Variants in LRIG1 observed in about 807,000 individuals in gnomAD.
LRIG1 encodes the protein leucine rich repeats and immunoglobulin like domains 1.
LRIG1 carries 48 observed loss-of-function variants against 99.2 expected under a neutral mutation model. The ratio of observed to expected loss-of-function variants is 0.48; its 90% confidence interval spans 0.38 to 0.62. The LOEUF is 0.62. Ranked by LOEUF, LRIG1 falls within the 20% of genes least tolerant of loss-of-function variation. The pLI is 0.00. For synonymous variants in LRIG1, 772 were observed against 596.1 expected (o/e 1.29, Z -4.30); for missense variants, 1,646 against 1,434.4 (o/e 1.15, Z -2.38).
intron 3 of LRIG1, among the ~76,000 whole-genome samples, chr3:66,437,994 G>C (rs547495523): frequency 1.1e-4 from 16 of 152,324 alleles, no homozygotes; most frequent in African/African-American, 3.8e-4. Context: ...GTCCCATAGA[G>C]GATGGGAAGC....
intron 3 of LRIG1, among the ~76,000 whole-genome samples, chr3:66,425,075 G>A (rs1049416807): frequency 6.6e-6 from 1 of 152,184 alleles, no homozygotes; most frequent in Non-Finnish European, 1.5e-5. Context: ...TCTATACTTA[G>A]GCAATTGAAG....
intron 10 of LRIG1, 92 bp from the exon 11 acceptor site, chr3:66,398,275 G>A (rs1044105197): frequency 1.1e-5 from 10 of 926,648 alleles, no homozygotes; most frequent in Non-Finnish European, 1.4e-5. Flanking sequence ...TGACCCACAG[G>A]GACTAGCCAG....
At chr3:66,441,793 G>A (rs1280484349) in intron 3 of LRIG1, among the ~76,000 whole-genome samples, 1 of 152,216 alleles carries the variant, frequency 6.6e-6, no homozygotes, top group Non-Finnish European at 1.5e-5. Context: ...ACTTCCAAGT[G>A]TACAGTGAGC....
chr3:66,471,370 T>G (rs1575717445), intron 1 of LRIG1, among the ~76,000 whole-genome samples: 1 of 56,534 alleles, frequency 1.8e-5, no homozygotes. Context: ...ACCTGCACAA[T>G]AGCCCCCCTA....
chr3:66,500,460 C>G lies in LRIG1; in HGVS notation c.-53G>C. On this transcript the variant is annotated 5_prime_UTR_variant, in exon 1 of 19. Transcript: ENST00000273261. ...GGCGCGGGGACTGTGAGGACCCGAA[C>G]GGCCGCAGACGCGGGCGGGCCCGCG... 8.9e-7 allele frequency: 1 copy of G among 1,119,830 alleles called. No individual in the cohort carries two copies. The highest frequency in any genetic ancestry group is 1.2e-6 in the Non-Finnish European group (1 of 861,302). 69.4% of individuals were successfully genotyped at this position (1,119,830 alleles called of 1,614,324 possible).
chr3:66,436,632 G>A (rs1186160936), intron 3 of LRIG1, among the ~76,000 whole-genome samples: 1 of 152,074 alleles, frequency 6.6e-6, no homozygotes, highest in East Asian at 1.9e-4. Flanking sequence ...GCCTCCAAAT[G>A]AAGCCAAACT....
chr3:66,441,754 C>T (rs1402764007), intron 3 of LRIG1, among the ~76,000 whole-genome samples: 1 of 152,182 alleles, frequency 6.6e-6, no homozygotes, highest in East Asian at 1.9e-4. Flanking sequence ...CTTAAAATGA[C>T]AAGACCCTTC....
chr3:66,419,004 A>G (rs183979088), intron 3 of LRIG1, among the ~76,000 whole-genome samples: 20 of 152,334 alleles, frequency 1.3e-4, no homozygotes, highest in Admixed American at 9.1e-4. Context: ...GCTCCAAAGG[A>G]AAAAAGAAAA....
At chr3:66,428,465 C>T (rs764424510) in intron 3 of LRIG1, among the ~76,000 whole-genome samples, 4 of 151,962 alleles carry the variant, frequency 2.6e-5, no homozygotes, top group Non-Finnish European at 5.9e-5. Flanking sequence ...TAAGTGAGGG[C>T]CTAATGATCA....
In LRIG1 at chr3:66,405,124, G is replaced by A. The variant is rs1308642604; in HGVS notation, c.1160+74C>T. The A allele has an allele frequency of 1.5e-5, 20 of 1,342,560 alleles. No homozygotes were observed. The East Asian group carries it at 4.5e-4, about 30-fold the overall frequency. The allele number at this position is 1,342,560 out of a possible 1,614,324, so 83.2% of individuals were successfully genotyped here. A position where few individuals can be genotyped will look rare whatever the true frequency, so the allele number is the denominator to read the frequency against. On this transcript the variant is annotated intron_variant, in intron 9 of 18. Transcript: ENST00000273261. Reference sequence around the variant, plus strand: ...GGCCCAGAGCAGAGAGGCGCGGGGGGCGCCACAGAAACATCTCCCACCCAA... The same window carrying A: ...GGCCCAGAGCAGAGAGGCGCGGGGGACGCCACAGAAACATCTCCCACCCAA...
chr3:66,456,914 C>G (rs907100566), intron 2 of LRIG1, among the ~76,000 whole-genome samples: 3 of 152,170 alleles, frequency 2.0e-5, no homozygotes, highest in African/African-American at 4.8e-5. Context: ...AATAGAGGAG[C>G]CTGCTGGCCA....
In LRIG1 at chr3:66,380,127, T is replaced by C; in HGVS notation, c.*136A>G. On this transcript the variant is annotated 3_prime_UTR_variant, in exon 19 of 19. Coordinates refer to ENST00000273261, the MANE Select transcript of LRIG1 (RefSeq NM_015541.3). ...TTTACTGTGCTTCAGATCCAAGTCC[T>C]GTGAGCGACTGATACTCCACATGGG... 4 of 680,346 alleles carry C rather than the reference T, an allele frequency of 5.9e-6. No homozygotes were observed. The highest frequency in any genetic ancestry group is 7.2e-6 in the Non-Finnish European group (3 of 413,882). The allele number at this position is 680,346 out of a possible 1,614,324, so 42.1% of individuals were successfully genotyped here. A position where few individuals can be genotyped will look rare whatever the true frequency, so the allele number is the denominator to read the frequency against.
chr3:66,497,904 T>C lies in LRIG1; in HGVS notation c.218+2286A>G, dbSNP rs544379287. Among the ~76,000 whole-genome samples, 47 of 152,232 alleles carry C rather than the reference T, an allele frequency of 3.1e-4. 1 individual carries two copies. Among genetic ancestry groups the C allele is most frequent in the African/African-American group, 1.1e-3 (46 of 41,528 alleles). ...CTACAAGATATTTCATTATATCATA[T>C]ACAGACACTTTCTCCCCTAAAGTCT... On this transcript the variant is annotated intron_variant, in intron 1 of 18. Transcript: ENST00000273261.
At chr3:66,391,838 AGT>A (rs1701632174) in intron 12 of LRIG1, among the ~76,000 whole-genome samples, 1 of 152,232 alleles carries the variant, frequency 6.6e-6, no homozygotes, top group Non-Finnish European at 1.5e-5. Flanking sequence ...ACTCATCTAA[AGT>A]ATACAATTCA....
chr3:66,438,003 G>T (rs1375997553), intron 3 of LRIG1, among the ~76,000 whole-genome samples: 1 of 152,196 alleles, frequency 6.6e-6, no homozygotes, highest in Non-Finnish European at 1.5e-5. Flanking sequence ...AGGATGGGAA[G>T]CCACGAAGGG....
chr3:66,411,016 G>T (rs1392329694), intron 6 of LRIG1, among the ~76,000 whole-genome samples: 1 of 152,206 alleles, frequency 6.6e-6, no homozygotes, highest in Non-Finnish European at 1.5e-5. Flanking sequence ...GAATAAACCT[G>T]CACATCTACT....
intron 9 of LRIG1, among the ~76,000 whole-genome samples, chr3:66,402,602 C>T (rs1967585): frequency 0.038 from 5,851 of 152,266 alleles, 329 homozygotes; most frequent in Admixed American, 0.15. Context: ...AGGCAGGGGT[C>T]TCTACCTTCC....
At position 66,382,266 on chromosome 3, in the gene LRIG1, G is replaced by T; in HGVS notation, c.2617+7C>A. 1 of 1,614,094 alleles carries T rather than the reference G, an allele frequency of 6.2e-7. No homozygotes were observed. The highest frequency in any genetic ancestry group is 8.5e-7 in the Non-Finnish European group (1 of 1,179,986). The stretch of plus-strand genomic sequence containing the variant: ...AGAGCTCTGCTTCACAGTTACTGAG[G>T]CCTTACCATTGCTCTCAATGTGCCC... On this transcript the variant is annotated splice_region_variant and intron_variant, in intron 16 of 18. Transcript: ENST00000273261.
intron 3 of LRIG1, among the ~76,000 whole-genome samples, chr3:66,443,642 G>A (rs1189595124): frequency 6.6e-6 from 1 of 152,202 alleles, no homozygotes; most frequent in Non-Finnish European, 1.5e-5. Flanking sequence ...GCCCCTGTAT[G>A]ACAACTGTCT....
Sources: gnomAD v4.1 joint callset for allele counts (sites outside exome capture counted in the v4.1 genomes callset) on GRCh38, gnomAD v4.1.1 for gene constraint, MANE v1.5 for transcripts, NCBI Gene and HGNC (gene_info 2026-07-23, HGNC 2026-07-21) for gene names.